BMP1: variants seen among roughly 807,000 people sequenced by gnomAD.
The protein encoded by BMP1 is mammalian tolloid protein.
A neutral mutation model predicts 116.8 loss-of-function variants in BMP1; 63 were observed. The observed-to-expected ratio is 0.54, with a 90% CI of 0.44 to 0.67. The LOEUF (loss-of-function observed/expected upper bound fraction) is 0.67, where lower values mean the gene tolerates loss of function less well. BMP1 is among the 30% of genes least tolerant of loss of function. BMP1 has a pLI of 0.00. For missense variants in BMP1, 1,183 were observed against 1,358.9 expected (o/e 0.87, Z 2.04); for synonymous variants, 536 against 533.4 (o/e 1.00, Z -0.07).
chr8:22,206,901 C>G lies in BMP1; in HGVS notation c.2281C>G (p.Pro761Ala). The part of the protein sequence containing the change: ...VTSTSGTITS[P>A]NWPDKYPSKK... The stretch of plus-strand genomic sequence containing the variant: ...ATCCACCAGTGGTACCATCACCAGC[C>G]CCAACTGGCCTGACAAGTATCCCAG... Residue 761 changes from proline to alanine, a missense_variant, in exon 17 of 20, where the codon CCC becomes GCC. By Grantham distance (27) the Pro-to-Ala change is conservative. This residue lies in a region of BMP1 where 956 missense variants were observed against 1,135.2 expected (regional missense o/e 0.84). Transcript: ENST00000306385. The G allele has an allele frequency of 6.2e-7, 1 of 1,614,202 alleles. No individual in the cohort carries two copies. The highest frequency in any genetic ancestry group is 8.5e-7 in the Non-Finnish European group (1 of 1,180,028).
rs1385314793 is a variant in BMP1 at position 22,207,172 on chromosome 8, C to A, written c.2362-131C>A. 8 of 1,370,634 alleles carry A rather than the reference C, an allele frequency of 5.8e-6. No homozygotes were observed. In the African/African-American group the frequency reaches 1.2e-4, roughly 20 times the overall value. The allele number at this position is 1,370,634 out of a possible 1,614,324, so 84.9% of individuals were successfully genotyped here. On this transcript the variant is annotated intron_variant, in intron 17 of 19. Coordinates refer to ENST00000306385, the MANE Select transcript of BMP1 (RefSeq NM_006129.5). Reference sequence around the variant, plus strand: ...CCTGCCTTCGCCCTATTCCTGGGCCCTCCTTCACTGTCATCCCCAGCTGTG... The same window carrying A: ...CCTGCCTTCGCCCTATTCCTGGGCCATCCTTCACTGTCATCCCCAGCTGTG...
intron 15 of BMP1, 122 bp from the exon 16 acceptor site, chr8:22,201,681 G>C: frequency 1.3e-6 from 2 of 1,495,628 alleles, no homozygotes; most frequent in Middle Eastern, 2.4e-4. Flanking sequence ...GGCCTGGCCA[G>C]CTCTGCCAGC....
intron 13 of BMP1, 98 bp from the exon 14 acceptor site, chr8:22,196,582 G>A: frequency 1.3e-6 from 2 of 1,549,564 alleles, no homozygotes; most frequent in African/African-American, 1.4e-5. Flanking sequence ...GAGTCCACAG[G>A]CTCCCCATCT....
chr8:22,183,511 A>G lies in BMP1; in HGVS notation c.1077+3028A>G, dbSNP rs371183357. 2.9e-4 allele frequency among the ~76,000 whole-genome samples: 44 copies of G among 152,138 alleles called. No individual in the cohort carries two copies. The South Asian group carries it at 9.0e-3, about 31-fold the overall frequency. On this transcript the variant is annotated intron_variant, in intron 8 of 19. Coordinates refer to ENST00000306385, the MANE Select transcript of BMP1 (RefSeq NM_006129.5). The stretch of plus-strand genomic sequence containing the variant: ...CCCTCTAGAGGGTTCCCATTACTCC[A>G]TCCTTGGGAAATCTCACCCACCGAT...
At chr8:22,182,588 G>A (rs941668904) in intron 8 of BMP1, among the ~76,000 whole-genome samples, 7 of 152,254 alleles carry the variant, frequency 4.6e-5, no homozygotes, top group African/African-American at 9.6e-5. Flanking sequence ...TGTTCCACCC[G>A]TTGACAAAAC....
intron 19 of BMP1, among the ~76,000 whole-genome samples, chr8:22,211,066 T>TAGGG (rs1554488673): frequency 1.4e-5 from 2 of 147,080 alleles, no homozygotes; most frequent in Non-Finnish European, 3.0e-5. Context: ...GGGCAAGGGG[T>TAGGG]AGGGATGGCA....
intron 13 of BMP1, 190 bp from the exon 14 acceptor site, chr8:22,196,490 G>T (rs2131886911): frequency 1.4e-6 from 1 of 713,020 alleles, no homozygotes; most frequent in Non-Finnish European, 2.4e-6. Flanking sequence ...CTCCCTACAG[G>T]CCCACCCCTG....
chr8:22,206,713 G>A (rs1191743353), intron 16 of BMP1, 141 bp from the exon 17 acceptor site: 38 of 1,275,276 alleles, frequency 3.0e-5, no homozygotes, highest in South Asian at 4.3e-5. Flanking sequence ...AAAAAGAAAC[G>A]ATGCCTGCCT....
chr8:22,204,328 T>A (rs1829314266), intron 16 of BMP1, among the ~76,000 whole-genome samples: 1 of 152,188 alleles, frequency 6.6e-6, no homozygotes, highest in South Asian at 2.1e-4. Flanking sequence ...GTGCTGTATC[T>A]TGCCCATCCT....
intron 15 of BMP1, chr8:22,199,052 A>G (rs199794507): frequency 7.4e-5 from 100 of 1,357,316 alleles, no homozygotes; most frequent in Admixed American, 3.9e-5. Flanking sequence ...CGACACTCAC[A>G]TCTATCAGGC....
chr8:22,208,371 G>A lies in BMP1; in HGVS notation c.2575+855G>A, dbSNP rs80032611. 4.6e-3 allele frequency among the ~76,000 whole-genome samples: 708 copies of A among 152,356 alleles called. 5 individuals are homozygous for A. Among genetic ancestry groups the A allele is most frequent in the African/African-American group, 0.016 (666 of 41,580 alleles). On this transcript the variant is annotated intron_variant, in intron 18 of 19. Coordinates refer to ENST00000306385, the MANE Select transcript of BMP1 (RefSeq NM_006129.5). Reference sequence around the variant, plus strand: ...ACTAAGGGGCACGTGGCCTGAATCAGGCATGAGCCCTTCACTCCTGCCCCC... The same window carrying A: ...ACTAAGGGGCACGTGGCCTGAATCAAGCATGAGCCCTTCACTCCTGCCCCC...
At chr8:22,201,001 C>CCCCCCCCCCAAT in intron 15 of BMP1, 1 of 371,506 alleles carries the variant, frequency 2.7e-6, no homozygotes, top group Non-Finnish European at 5.2e-6. Context: ...CCGCCCCACC[C>CCCCCCCCCCAAT]TGCCCCTCAG....
At position 22,209,372 on chromosome 8, in the gene BMP1, C is replaced by T. The variant is rs536280438; in HGVS notation, c.2576-73C>T. 6.4e-6 allele frequency: 10 copies of T among 1,574,048 alleles called. No individual in the cohort carries two copies. In the South Asian group the frequency reaches 1.1e-4, roughly 17 times the overall value. On this transcript the variant is annotated intron_variant, in intron 18 of 19. Coordinates refer to ENST00000306385, the MANE Select transcript of BMP1 (RefSeq NM_006129.5). The stretch of plus-strand genomic sequence containing the variant: ...GCCTCCATCCTGCCGTGAGGGCACG[C>T]CATGGCATAGTGTGCCATGGGGCCT...
chr8:22,189,873 T>C (rs1173057679), intron 8 of BMP1, among the ~76,000 whole-genome samples: 4 of 152,208 alleles, frequency 2.6e-5, no homozygotes, highest in Non-Finnish European at 4.4e-5. Context: ...TAACTTTTGA[T>C]GATGATAATA....
chr8:22,189,914 CTTTAT>C (rs1261290729), intron 8 of BMP1, among the ~76,000 whole-genome samples: 2 of 152,066 alleles, frequency 1.3e-5, no homozygotes, highest in African/African-American at 4.8e-5. Flanking sequence ...GTGTGCTTTT[CTTTAT>C]TTTATTTTAT....
chr8:22,197,186 T>A, intron 14 of BMP1, 54 bp from the exon 15 acceptor site: 1 of 1,574,284 alleles, frequency 6.4e-7, no homozygotes, highest in Non-Finnish European at 8.7e-7. Flanking sequence ...AGGGCAGGAG[T>A]AGTCAAGAGA....
Position 22,202,810 on chromosome 8 carries a change from A to G in BMP1, c.2233+882A>G, listed in dbSNP as rs576142590. On this transcript the variant is annotated intron_variant, in intron 16 of 19. Coordinates refer to ENST00000306385, the MANE Select transcript of BMP1 (RefSeq NM_006129.5). ...GATTGCGTCAGCCCAGGAGTTTAAG[A>G]CCAACCTGGGCAACATGGCGAAACC... Among the ~76,000 whole-genome samples, 4 of 152,230 alleles carry G rather than the reference A, an allele frequency of 2.6e-5. No individual in the cohort carries two copies. In the South Asian group the frequency reaches 8.3e-4, roughly 32 times the overall value.
chr8:22,180,510 TC>T, intron 8 of BMP1, 27 bp downstream of exon 8: 1 of 1,580,454 alleles, frequency 6.3e-7, no homozygotes, highest in Non-Finnish European at 8.7e-7. Flanking sequence ...CCTCTGAGCC[TC>T]CCCCTCCCCT....
At chr8:22,189,674 C>T (rs931557448) in intron 8 of BMP1, among the ~76,000 whole-genome samples, 3 of 151,732 alleles carry the variant, frequency 2.0e-5, no homozygotes, top group Non-Finnish European at 4.4e-5. Flanking sequence ...ACTGTGTTGC[C>T]CAGGCTGGTC....
Sources: allele counts gnomAD v4.1 joint callset (sites outside exome capture counted in the v4.1 genomes callset), GRCh38; gene constraint gnomAD v4.1.1; regional missense constraint gnomAD v4.1.1; transcripts MANE v1.5; gene names NCBI Gene and HGNC (gene_info 2026-07-23, HGNC 2026-07-21).